The following DLG2 variants were observed in gnomAD, a reference collection of about 807,000 sequenced individuals.
DLG2 encodes discs large MAGUK scaffold protein 2.
DLG2 carries 45 observed loss-of-function variants against 132.5 expected under a neutral mutation model. The ratio of observed to expected loss-of-function variants is 0.34; its 90% CI spans 0.27 to 0.44. The LOEUF (loss-of-function observed/expected upper bound fraction) is 0.44, where lower values mean the gene tolerates loss of function less well. Among genes scored for constraint, DLG2 ranks in the 20% least tolerant of loss-of-function variants. DLG2 has a pLI of 1.00. For missense variants in DLG2, 1,045 were observed against 1,196.9 expected, an observed-to-expected ratio of 0.87 and a Z score of 1.87; for synonymous variants, 424 against 419.6, an observed-to-expected ratio of 1.01 and a Z score of -0.13.
chr11:85,042,399 C>T (rs1464999773), intron 6 of DLG2, among the ~76,000 whole-genome samples: 1 of 152,004 alleles, frequency 6.6e-6, no homozygotes, highest in African/African-American at 2.4e-5. Context: ...AGGCACTACA[C>T]TAAGTGTTTT....
chr11:83,548,272 G>A (rs2096289109), intron 19 of DLG2, among the ~76,000 whole-genome samples: 1 of 151,636 alleles, frequency 6.6e-6, no homozygotes, highest in South Asian at 2.1e-4. Context: ...ATGTGATTAA[G>A]GTCAAGGGTC....
chr11:84,674,385 A>C (rs1303439723), intron 6 of DLG2, among the ~76,000 whole-genome samples: 1 of 152,110 alleles, frequency 6.6e-6, no homozygotes, highest in Non-Finnish European at 1.5e-5. Context: ...GCAGAGTATA[A>C]TTAATTAAAT....
chr11:84,661,266 C>G (rs187722986), intron 6 of DLG2, among the ~76,000 whole-genome samples: 2 of 152,184 alleles, frequency 1.3e-5, no homozygotes, highest in East Asian at 3.9e-4. Flanking sequence ...CTTAAGGGCA[C>G]TTGAATAAAA....
chr11:84,492,813 T>C (rs2154498038), intron 7 of DLG2, among the ~76,000 whole-genome samples: 1 of 152,202 alleles, frequency 6.6e-6, no homozygotes, highest in Admixed American at 6.5e-5. Flanking sequence ...CTGTTTTAAA[T>C]GGAGTGTCTT....
At chr11:85,129,493 T>G (rs1328059586) in intron 5 of DLG2, among the ~76,000 whole-genome samples, 1 of 152,188 alleles carries the variant, frequency 6.6e-6, no homozygotes, top group Non-Finnish European at 1.5e-5. Context: ...CCATTCTAAC[T>G]GGCATGAGAT....
At chr11:84,502,398 CTTT>C (rs2099221628) in intron 7 of DLG2, among the ~76,000 whole-genome samples, 1 of 94,638 alleles carries the variant, frequency 1.1e-5, no homozygotes, top group Non-Finnish European at 2.1e-5. Context: ...TTCTTTCTTT[CTTT>C]CTTTCTTTCT....
chr11:84,549,792 C>A (rs1430585413), intron 6 of DLG2, among the ~76,000 whole-genome samples: 1 of 152,060 alleles, frequency 6.6e-6, no homozygotes, highest in Non-Finnish European at 1.5e-5. Context: ...CTCGCTCTGT[C>A]ACCTAGGCTG....
At chr11:85,529,894 G>C (rs1350785748) in intron 3 of DLG2, among the ~76,000 whole-genome samples, 1 of 152,004 alleles carries the variant, frequency 6.6e-6, no homozygotes, top group Non-Finnish European at 1.5e-5. Context: ...TGAAACTATG[G>C]CAGGAGGATT....
At chr11:85,368,319 A>G (rs2084706785) in intron 3 of DLG2, among the ~76,000 whole-genome samples, 1 of 152,248 alleles carries the variant, frequency 6.6e-6, no homozygotes, top group Non-Finnish European at 1.5e-5. Context: ...TGCTTTAAGA[A>G]GACAAAGCCC....
At chr11:84,666,672 A>G (rs1030667800) in intron 6 of DLG2, among the ~76,000 whole-genome samples, 2 of 152,114 alleles carry the variant, frequency 1.3e-5, no homozygotes, top group African/African-American at 4.8e-5. Context: ...ATTTGTACAT[A>G]TAAGTATATA....
At chr11:83,917,498 T>A (rs1002986379) in intron 15 of DLG2, among the ~76,000 whole-genome samples, 1 of 152,148 alleles carries the variant, frequency 6.6e-6, no homozygotes, top group Admixed American at 6.6e-5. Context: ...ACTGTTATAG[T>A]ACATAATAGA....
chr11:84,829,107 G>T (rs939284988), intron 6 of DLG2, among the ~76,000 whole-genome samples: 2 of 151,586 alleles, frequency 1.3e-5, no homozygotes, highest in Non-Finnish European at 3.0e-5. Flanking sequence ...AACATAATTA[G>T]ACAAGAAAAA....
intron 3 of DLG2, among the ~76,000 whole-genome samples, chr11:85,354,411 G>C (rs1482841553): frequency 6.6e-6 from 1 of 151,980 alleles, no homozygotes; most frequent in Non-Finnish European, 1.5e-5. Context: ...TGCATGAGAA[G>C]AACAAAGGGG....
At chr11:84,688,559 A>G (rs1451995996) in intron 6 of DLG2, among the ~76,000 whole-genome samples, 2 of 152,328 alleles carry the variant, frequency 1.3e-5, no homozygotes, top group Non-Finnish European at 2.9e-5. Context: ...ATGAAGATAA[A>G]TAAAACACAG....
intron 19 of DLG2, among the ~76,000 whole-genome samples, chr11:83,552,896 C>T (rs1181548715): frequency 6.6e-6 from 1 of 152,180 alleles, no homozygotes. Flanking sequence ...CTCTGGGAAT[C>T]CTTCCTGAAT....
chr11:84,021,781 G>C (rs1224714713), intron 11 of DLG2, among the ~76,000 whole-genome samples: 1 of 150,286 alleles, frequency 6.7e-6, no homozygotes, highest in Non-Finnish European at 1.5e-5. Context: ...TTTTGAGATG[G>C]AGTTTCGCTC....
intron 18 of DLG2, among the ~76,000 whole-genome samples, chr11:83,690,539 A>C (rs868863598): frequency 4.6e-5 from 7 of 152,286 alleles, no homozygotes; most frequent in Admixed American, 1.3e-4. Context: ...AGCTAATTGT[A>C]ATAATAACCA....
intron 6 of DLG2, among the ~76,000 whole-genome samples, chr11:84,891,248 A>T (rs968821668): frequency 6.6e-6 from 1 of 152,190 alleles, no homozygotes; most frequent in Admixed American, 6.5e-5. Flanking sequence ...CATGTACAGC[A>T]TATGTATGTA....
At chr11:84,327,112 C>CTTTTTTT (rs11290540) in intron 7 of DLG2, among the ~76,000 whole-genome samples, 9 of 119,020 alleles carry the variant, frequency 7.6e-5, no homozygotes, top group Non-Finnish European at 1.0e-4. Flanking sequence ...TAATGAGAAT[C>CTTTTTTT]TTTTTTTTTT....
Sources: allele counts gnomAD v4.1 joint callset (sites outside exome capture counted in the v4.1 genomes callset), GRCh38; gene constraint gnomAD v4.1.1; transcripts MANE v1.5; gene names NCBI Gene and HGNC (gene_info 2026-07-23, HGNC 2026-07-21).